The following HACL1 variants were observed in gnomAD, a reference collection of about 807,000 sequenced individuals.
The protein encoded by HACL1 is 1600020H07Rik.
HACL1 carries 64 observed loss-of-function variants against 74.2 expected under a neutral mutation model. The observed-to-expected ratio is 0.86, with a 90% CI of 0.70 to 1.06. The LOEUF is 1.06. Ranked by LOEUF, HACL1 falls within the 50% of genes least tolerant of loss-of-function variation. HACL1 has a pLI of 0.00. For synonymous variants in HACL1, 230 were observed against 238.8 expected, an observed-to-expected ratio of 0.96 and a Z score of 0.34; for missense variants, 728 against 719.7, an observed-to-expected ratio of 1.01 and a Z score of -0.13.
At chr3:15,586,884 A>G (rs11917730) in intron 5 of HACL1, among the ~76,000 whole-genome samples, 4,067 of 152,276 alleles carry the variant, frequency 0.027, 168 homozygotes, top group African/African-American at 0.091. Context: ...GCACTTCTAT[A>G]AACTGCTGGT....
At chr3:15,599,328 G>T (rs538665542) in intron 2 of HACL1, among the ~76,000 whole-genome samples, 1 of 152,166 alleles carries the variant, frequency 6.6e-6, no homozygotes, top group Non-Finnish European at 1.5e-5. Flanking sequence ...GACAGAGGTC[G>T]TGCTATGTTG....
intron 4 of HACL1, 43 bp downstream of exon 4, chr3:15,591,557 G>T: frequency 1.7e-6 from 2 of 1,181,718 alleles, no homozygotes; most frequent in South Asian, 2.5e-5. Context: ...ATCCTGCAGT[G>T]ACCTTTTTAA....
intron 3 of HACL1, among the ~76,000 whole-genome samples, chr3:15,593,102 T>C (rs1018395363): frequency 6.8e-6 from 1 of 146,382 alleles, no homozygotes; most frequent in South Asian, 2.1e-4. Flanking sequence ...TATACATATA[T>C]GTGTGTGTAT....
intron 3 of HACL1, among the ~76,000 whole-genome samples, chr3:15,592,067 T>C (rs1187926263): frequency 6.2e-4 from 4 of 6,470 alleles, no homozygotes; most frequent in African/African-American, 2.7e-3. Flanking sequence ...TATATATACG[T>C]ATATACGTAT....
At chr3:15,583,783 G>A (rs1424668227) in intron 7 of HACL1, among the ~76,000 whole-genome samples, 1 of 151,632 alleles carries the variant, frequency 6.6e-6, no homozygotes, top group African/African-American at 2.4e-5. Context: ...TCAGCCTCCT[G>A]AGTAGCTGGG....
At chr3:15,581,344 T>G (rs1276271859) in intron 8 of HACL1, among the ~76,000 whole-genome samples, 1 of 152,228 alleles carries the variant, frequency 6.6e-6, no homozygotes, top group Non-Finnish European at 1.5e-5. Context: ...TATTTTATAA[T>G]TTTTCAAGGC....
At position 15,568,574 on chromosome 3, in the gene HACL1, T is replaced by C. The variant is rs767121570; in HGVS notation, c.1108A>G (p.Lys370Glu). ...TAATAATTCATAGGCAGGGATTTTTTAGAAGCTAGTTCCTGAAAAGTAGAT... is the reference window on the plus strand; with the variant it reads ...TAATAATTCATAGGCAGGGATTTTTCAGAAGCTAGTTCCTGAAAAGTAGAT... ...NEAASKELAS[K>E]KSLPMNYYTV... Residue 370 changes from lysine (K) to glutamate (E), a missense_variant, in exon 13 of 17, where the codon AAA becomes GAA. By Grantham distance (56) the Lys-to-Glu change is moderately conservative. Coordinates refer to ENST00000321169, the MANE Select transcript of HACL1 (RefSeq NM_012260.4). 10 of 1,534,286 alleles carry C rather than the reference T, an allele frequency of 6.5e-6. No individual in the cohort carries two copies. Among genetic ancestry groups the C allele is most frequent in the South Asian group, 2.4e-5 (2 of 84,500 alleles).
At position 15,571,685 on chromosome 3, in the gene HACL1, T is replaced by C. The variant is rs1292316483; in HGVS notation, c.1078A>G (p.Asn360Asp). The C allele has an allele frequency of 3.4e-6, 5 of 1,464,182 alleles. No individual in the cohort carries two copies. The highest frequency in any genetic ancestry group is 3.8e-6 in the Non-Finnish European group (4 of 1,044,060). 90.7% of individuals were successfully genotyped at this position (1,464,182 alleles called of 1,614,324 possible). ...GATTTTACCTTGGATGCAGCTTCATTGCTCTTCATTTTTTCTCTCAGAGTT... is the reference window on the plus strand; with the variant it reads ...GATTTTACCTTGGATGCAGCTTCATCGCTCTTCATTTTTTCTCTCAGAGTT... ...WKTLREKMKS[N>D]EAASKELASK... Residue 360 changes from asparagine (N) to aspartate (D), a missense_variant, in exon 12 of 17, where the codon AAT (asparagine) becomes GAT (aspartate). Transcript: ENST00000321169.
chr3:15,576,730 ATC>A (rs1472590463), intron 9 of HACL1, among the ~76,000 whole-genome samples: 2 of 151,840 alleles, frequency 1.3e-5, no homozygotes, highest in African/African-American at 4.8e-5. Flanking sequence ...TCTGCTTTTT[ATC>A]TGTTTCCCCT....
At chr3:15,567,733 G>C (rs1174926922) in intron 14 of HACL1, 111 bp downstream of exon 14, 29 of 967,536 alleles carry the variant, frequency 3.0e-5, no homozygotes, top group Non-Finnish European at 4.4e-5. Context: ...ACAGTGCTGT[G>C]CACAGGGCAC....
At chr3:15,562,792 A>G (rs2063364772) in intron 16 of HACL1, among the ~76,000 whole-genome samples, 1 of 152,192 alleles carries the variant, frequency 6.6e-6, no homozygotes, top group Non-Finnish European at 1.5e-5. Flanking sequence ...GGTCAAAGTA[A>G]CTAATTTTGA....
intron 2 of HACL1, among the ~76,000 whole-genome samples, chr3:15,597,944 A>G (rs1298513891): frequency 6.6e-6 from 1 of 152,218 alleles, no homozygotes; most frequent in Non-Finnish European, 1.5e-5. Context: ...ACACGTAACA[A>G]AAAGTATATT....
At chr3:15,585,977 T>G (rs1208073364) in intron 6 of HACL1, among the ~76,000 whole-genome samples, 1 of 152,166 alleles carries the variant, frequency 6.6e-6, no homozygotes, top group Non-Finnish European at 1.5e-5. Flanking sequence ...CATCAGACTA[T>G]GTGTATAAGG....
chr3:15,601,281 AC>A (rs1432333526), intron 1 of HACL1, 87 bp from the exon 2 acceptor site: 36 of 1,567,536 alleles, frequency 2.3e-5, no homozygotes, highest in Middle Eastern at 1.7e-4. Flanking sequence ...TAAAAGGAAA[AC>A]CCCCCGACCC....
intron 2 of HACL1, among the ~76,000 whole-genome samples, chr3:15,596,679 T>C (rs760005630): frequency 5.3e-5 from 8 of 152,242 alleles, no homozygotes; most frequent in Non-Finnish European, 8.8e-5. Context: ...GCAGGATCAA[T>C]AGGAATGTCC....
At chr3:15,579,491 T>C (rs989196830) in intron 9 of HACL1, among the ~76,000 whole-genome samples, 4 of 152,064 alleles carry the variant, frequency 2.6e-5, no homozygotes, top group African/African-American at 4.8e-5. Flanking sequence ...TCAAAATGGA[T>C]GAAGGTTGAC....
intron 9 of HACL1, among the ~76,000 whole-genome samples, chr3:15,578,686 C>A (rs2063667745): frequency 6.6e-6 from 1 of 152,128 alleles, no homozygotes; most frequent in South Asian, 2.1e-4. Flanking sequence ...TACTGCAGAG[C>A]TGCATGGTGG....
At chr3:15,582,330 C>A (rs565566644) in intron 8 of HACL1, among the ~76,000 whole-genome samples, 8 of 152,148 alleles carry the variant, frequency 5.3e-5, no homozygotes, top group Admixed American at 3.9e-4. Flanking sequence ...ATAGAAAAAG[C>A]TTTAGGCACA....
intron 5 of HACL1, among the ~76,000 whole-genome samples, chr3:15,588,418 C>T (rs1267747612): frequency 1.3e-5 from 2 of 152,046 alleles, no homozygotes; most frequent in Non-Finnish European, 2.9e-5. Context: ...CATGGCAAAA[C>T]ACTGTCTCTG....
Sources: allele counts gnomAD v4.1 joint callset (sites outside exome capture counted in the v4.1 genomes callset), GRCh38; gene constraint gnomAD v4.1.1; transcripts MANE v1.5; gene names NCBI Gene and HGNC (gene_info 2026-07-23, HGNC 2026-07-21).